Variants in NRG4 observed in about 807,000 individuals in gnomAD.
The protein encoded by NRG4 is pro-neuregulin-4, membrane-bound isoform.
Under a neutral mutation model 15.0 loss-of-function variants are expected in NRG4, and 10 were observed. The observed-to-expected ratio is 0.67, with a 90% CI of 0.41 to 1.13. The LOEUF is 1.13. Among genes scored for constraint, NRG4 ranks in the 50% most tolerant of loss-of-function variants. NRG4 has a pLI of 0.00. For missense variants in NRG4, 139 were observed against 140.2 expected, an observed-to-expected ratio of 0.99 and a Z score of 0.04; for synonymous variants, 41 against 50.1, an observed-to-expected ratio of 0.82 and a Z score of 0.77.
intron 3 of NRG4, among the ~76,000 whole-genome samples, chr15:75,987,633 C>A (rs1054001866): frequency 1.3e-5 from 2 of 152,180 alleles, no homozygotes; most frequent in African/African-American, 4.8e-5. Context: ...TCACCACCAA[C>A]TGAATCAGCT....
intron 5 of NRG4, among the ~76,000 whole-genome samples, chr15:75,955,518 A>G (rs1288980724): frequency 6.6e-6 from 1 of 152,164 alleles, no homozygotes; most frequent in East Asian, 1.9e-4. Flanking sequence ...CTGTTACTCC[A>G]TCTTGGCCAG....
At chr15:76,032,197 G>A (rs970721309) in intron 5 of NRG4, among the ~76,000 whole-genome samples, 3 of 152,016 alleles carry the variant, frequency 2.0e-5, no homozygotes, top group African/African-American at 7.2e-5. Context: ...CAGTCAATTG[G>A]TTGAAAATAC....
rs145923289 is a variant in NRG4 at position 75,995,900 on chromosome 15, A to G, written c.104+13300T>C. ...GTAGAGAGGGTATTGTAGCCAGAAG[A>G]CTTCATGCATTACAGTTCTAAGTCA... On this transcript the variant is annotated intron_variant, in intron 3 of 5. Coordinates refer to ENST00000394907, the MANE Select transcript of NRG4 (RefSeq NM_138573.4). Among the ~76,000 whole-genome samples the G allele has an allele frequency of 3.8e-3, 582 of 152,276 alleles. 3 individuals carry two copies. Among genetic ancestry groups the G allele is most frequent in the African/African-American group, 0.013 (541 of 41,538 alleles).
rs1299750578 is a variant in NRG4 at position 75,942,083 on chromosome 15, A to C, written c.*1555T>G. On this transcript the variant is annotated 3_prime_UTR_variant, in exon 6 of 6. Transcript: ENST00000394907. The stretch of plus-strand genomic sequence containing the variant: ...AAGAAGTTAGTCTGAAAGGCTACAT[A>C]CTACATGATTTCAAATATATGACAT... 6.6e-6 allele frequency: 1 copy of C among 151,734 alleles called. No individual in the cohort carries two copies. The highest frequency in any genetic ancestry group is 2.4e-5 in the African/African-American group (1 of 41,270). 9.4% of individuals were successfully genotyped at this position (151,734 alleles called of 1,614,324 possible).
intron 4 of NRG4, among the ~76,000 whole-genome samples, chr15:75,960,662 A>G (rs2032471443): frequency 6.6e-6 from 1 of 152,158 alleles, no homozygotes; most frequent in South Asian, 2.1e-4. Flanking sequence ...CAAGTAGTCT[A>G]TGATCAAGGC....
chr15:76,002,895 A>G (rs2034465548), intron 3 of NRG4, among the ~76,000 whole-genome samples: 1 of 152,198 alleles, frequency 6.6e-6, no homozygotes, highest in Non-Finnish European at 1.5e-5. Context: ...GTTAATATAC[A>G]TATCTCAGTA....
At chr15:75,949,426 T>A (rs942040629) in intron 5 of NRG4, among the ~76,000 whole-genome samples, 4 of 151,956 alleles carry the variant, frequency 2.6e-5, no homozygotes, top group Admixed American at 6.6e-5. Context: ...GCCCAAACTT[T>A]AAATGGGCTG....
chr15:75,948,467 T>C (rs1483656663), intron 5 of NRG4, among the ~76,000 whole-genome samples: 1 of 151,990 alleles, frequency 6.6e-6, no homozygotes, highest in Non-Finnish European at 1.5e-5. Context: ...GCCCAGATAA[T>C]GTTTTGTATT....
At chr15:75,935,414 T>G (rs2141730162), downstream of NRG4, 1 of 152,290 alleles carries the variant, frequency 6.6e-6, no homozygotes, top group South Asian at 2.1e-4. Flanking sequence ...AATACTTTAT[T>G]TAATCAAGAC....
At chr15:75,999,869 T>TA (rs1314526940) in intron 3 of NRG4, among the ~76,000 whole-genome samples, 7 of 151,900 alleles carry the variant, frequency 4.6e-5, no homozygotes, top group Non-Finnish European at 1.0e-4. Context: ...GACCTAAAAA[T>TA]AAAAAAATTA....
intron 3 of NRG4, among the ~76,000 whole-genome samples, chr15:76,008,273 T>C (rs944163131): frequency 6.6e-6 from 1 of 152,172 alleles, no homozygotes; most frequent in African/African-American, 2.4e-5. Flanking sequence ...CTGGGCACTA[T>C]TCCCCATATG....
chr15:75,959,282 T>C (rs1226502703), intron 4 of NRG4: 3 of 193,456 alleles, frequency 1.6e-5, no homozygotes, highest in African/African-American at 4.7e-5. Context: ...GCCCAAGTTC[T>C]ATGGATTTAA....
chr15:76,032,028 A>G (rs945695223), intron 5 of NRG4, among the ~76,000 whole-genome samples: 2 of 152,208 alleles, frequency 1.3e-5, no homozygotes, highest in African/African-American at 4.8e-5. Context: ...TTACCCACTA[A>G]TAAGACTTTA....
At chr15:75,994,926 A>G (rs1029436196) in intron 3 of NRG4, among the ~76,000 whole-genome samples, 2 of 152,100 alleles carry the variant, frequency 1.3e-5, no homozygotes, top group African/African-American at 4.8e-5. Context: ...GTAATCCCAG[A>G]ACTTTGGGAG....
intron 5 of NRG4, among the ~76,000 whole-genome samples, chr15:75,955,024 C>A (rs1191369722): frequency 6.6e-6 from 1 of 152,044 alleles, no homozygotes; most frequent in East Asian, 1.9e-4. Flanking sequence ...AGGTTTCCAG[C>A]CTCAGTGGGA....
At chr15:76,038,796 C>T (rs980855051) in intron 4 of NRG4, among the ~76,000 whole-genome samples, 22 of 152,278 alleles carry the variant, frequency 1.4e-4, no homozygotes, top group African/African-American at 5.3e-4. Flanking sequence ...TTACAGCAGG[C>T]CTTGGGCAAG....
intron 3 of NRG4, among the ~76,000 whole-genome samples, chr15:75,998,847 A>C (rs2034303859): frequency 6.6e-6 from 1 of 152,230 alleles, no homozygotes; most frequent in South Asian, 2.1e-4. Flanking sequence ...ATTCAGCATC[A>C]TAAAGAAACT....
downstream of NRG4, chr15:75,939,179 A>G (rs1009982257): frequency 5.9e-5 from 9 of 152,128 alleles, no homozygotes; most frequent in African/African-American, 1.9e-4. Context: ...TTAAAAGACC[A>G]TAAAGTTGGA....
rs1355106961 is a variant in NRG4 at position 75,942,222 on chromosome 15, C to T, written c.*1416G>A. The T allele has an allele frequency of 6.6e-6, 1 of 151,780 alleles. No homozygotes were observed. The highest frequency in any genetic ancestry group is 1.5e-5 in the Non-Finnish European group (1 of 67,966). The allele number at this position is 151,780 out of a possible 1,614,324, so 9.4% of individuals were successfully genotyped here. On this transcript the variant is annotated 3_prime_UTR_variant, in exon 6 of 6. Transcript: ENST00000394907. ...GGTGGTGAAACTACTGTATACAATA[C>T]TATAATAGTGGATACATGACATTAT...
Sources: allele counts gnomAD v4.1 joint callset (sites outside exome capture counted in the v4.1 genomes callset), GRCh38; gene constraint gnomAD v4.1.1; transcripts MANE v1.5; gene names NCBI Gene and HGNC (gene_info 2026-07-23, HGNC 2026-07-21).